The following PLCXD3 variants were observed in gnomAD, a reference collection of about 807,000 sequenced individuals.
The protein encoded by PLCXD3 is phosphatidylinositol specific phospholipase C X domain containing 3.
A neutral mutation model predicts 25.5 loss-of-function variants in PLCXD3; 19 were observed. The observed-to-expected ratio is 0.75, with a 90% CI of 0.52 to 1.09. PLCXD3 has a LOEUF of 1.09. Ranked by LOEUF, PLCXD3 falls within the 50% of genes least tolerant of loss-of-function variation. PLCXD3 has a pLI of 0.00. For synonymous variants in PLCXD3, 174 were observed against 137.6 expected, an observed-to-expected ratio of 1.26 and a Z score of -1.85; for missense variants, 411 against 388.1, an observed-to-expected ratio of 1.06 and a Z score of -0.50.
chr5:41,492,567 T>C (rs578209630), intron 1 of PLCXD3, among the ~76,000 whole-genome samples: 1 of 152,386 alleles, frequency 6.6e-6, no homozygotes, highest in Admixed American at 6.5e-5. Context: ...CACTTTCAGG[T>C]ACACCAATCA....
At chr5:41,393,765 A>G (rs1745909511) in intron 1 of PLCXD3, among the ~76,000 whole-genome samples, 1 of 151,896 alleles carries the variant, frequency 6.6e-6, no homozygotes, top group Non-Finnish European at 1.5e-5. Context: ...TAAAAATACA[A>G]AAAAAGAAAA....
intron 1 of PLCXD3, chr5:41,456,425 C>CTAACTTTT: frequency 2.6e-6 from 1 of 390,194 alleles, no homozygotes. Context: ...TGTACAATGG[C>CTAACTTTT]TAACTTTTTT....
At chr5:41,339,576 CAGT>C (rs1744080816) in intron 2 of PLCXD3, among the ~76,000 whole-genome samples, 1 of 151,974 alleles carries the variant, frequency 6.6e-6, no homozygotes. Flanking sequence ...GACAAAATGA[CAGT>C]AGTGTTGCCC....
intron 2 of PLCXD3, among the ~76,000 whole-genome samples, chr5:41,358,750 T>G (rs1329023134): frequency 6.6e-6 from 1 of 152,196 alleles, no homozygotes; most frequent in Non-Finnish European, 1.5e-5. Flanking sequence ...CTTTCAGTAC[T>G]ACGCTGAATG....
intron 2 of PLCXD3, 115 bp from the exon 3 acceptor site, chr5:41,313,885 A>C: frequency 1.6e-6 from 2 of 1,250,012 alleles, no homozygotes; most frequent in East Asian, 2.6e-5. Context: ...TTTCACGTAT[A>C]GGTACAGGAA....
chr5:41,393,491 A>G (rs565289970), intron 1 of PLCXD3, among the ~76,000 whole-genome samples: 1 of 152,328 alleles, frequency 6.6e-6, no homozygotes, highest in Admixed American at 6.5e-5. Flanking sequence ...CATGAAGCAG[A>G]AATGGAGACT....
intron 1 of PLCXD3, among the ~76,000 whole-genome samples, chr5:41,471,764 A>G (rs965408745): frequency 2.0e-5 from 3 of 146,818 alleles, no homozygotes; most frequent in African/African-American, 7.5e-5. Flanking sequence ...AATAATAACT[A>G]CAACATCTTT....
At chr5:41,501,083 G>A (rs747485423) in intron 1 of PLCXD3, among the ~76,000 whole-genome samples, 3 of 151,944 alleles carry the variant, frequency 2.0e-5, no homozygotes, top group Non-Finnish European at 4.4e-5. Context: ...TATAGAAATT[G>A]CAATTCTTGT....
At chr5:41,510,286 C>T in intron 1 of PLCXD3, 138 bp downstream of exon 1, 1 of 754,614 alleles carries the variant, frequency 1.3e-6, no homozygotes, top group Non-Finnish European at 2.1e-6. Context: ...ACGCGCTCGC[C>T]TGGCCTGAGA....
intron 2 of PLCXD3, among the ~76,000 whole-genome samples, chr5:41,361,619 A>G (rs1423311109): frequency 6.6e-6 from 1 of 152,244 alleles, no homozygotes; most frequent in African/African-American, 2.4e-5. Flanking sequence ...GCCAAATGGA[A>G]TGAACAATAG....
At chr5:41,374,183 G>A (rs1745210165) in intron 2 of PLCXD3, among the ~76,000 whole-genome samples, 1 of 152,116 alleles carries the variant, frequency 6.6e-6, no homozygotes, top group Admixed American at 6.6e-5. Flanking sequence ...TTGTGAGTAT[G>A]AGCAGTGCTA....
At chr5:41,381,199 T>C (rs1745449755) in intron 2 of PLCXD3, among the ~76,000 whole-genome samples, 1 of 152,068 alleles carries the variant, frequency 6.6e-6, no homozygotes, top group South Asian at 2.1e-4. Context: ...CTGCAAATGG[T>C]AGAGAAAGGA....
intron 2 of PLCXD3, among the ~76,000 whole-genome samples, chr5:41,319,084 G>GC (rs1224062244): frequency 6.6e-6 from 1 of 152,164 alleles, no homozygotes; most frequent in African/African-American, 2.4e-5. Context: ...AAATATATAT[G>GC]CAGTCAACAC....
chr5:41,506,548 C>T (rs1012675078), intron 1 of PLCXD3, among the ~76,000 whole-genome samples: 6 of 152,234 alleles, frequency 3.9e-5, no homozygotes, highest in Admixed American at 2.6e-4. Context: ...GACCCAGTCC[C>T]AGATACATCC....
At chr5:41,477,658 C>T (rs1158911462) in intron 1 of PLCXD3, among the ~76,000 whole-genome samples, 1 of 151,770 alleles carries the variant, frequency 6.6e-6, no homozygotes, top group Non-Finnish European at 1.5e-5. Flanking sequence ...CTTAACATTG[C>T]AGTTTGCTTC....
intron 1 of PLCXD3, among the ~76,000 whole-genome samples, chr5:41,490,493 T>G (rs540782900): frequency 1.3e-5 from 2 of 152,188 alleles, no homozygotes; most frequent in East Asian, 1.9e-4. Flanking sequence ...TTGTTTGGAA[T>G]AGTTTCAGAA....
intron 1 of PLCXD3, among the ~76,000 whole-genome samples, chr5:41,388,143 C>A (rs559182828): frequency 6.6e-6 from 1 of 151,902 alleles, no homozygotes; most frequent in Admixed American, 6.6e-5. Flanking sequence ...AAAATACATA[C>A]AATCCTTGCC....
intron 2 of PLCXD3, among the ~76,000 whole-genome samples, chr5:41,327,668 C>T (rs1221319067): frequency 6.6e-6 from 1 of 152,026 alleles, no homozygotes; most frequent in Admixed American, 6.6e-5. Flanking sequence ...TAATTAAATT[C>T]CCTTTGAATT....
rs78290598 is a variant in PLCXD3, at chr5:41,506,581, A to C, written c.103+3843T>G. ...TCCTAGACATTGACTCCTTCCAAGT[A>C]AAATAGAAATAGGAAATTACAAAGA... On this transcript the variant is annotated intron_variant, in intron 1 of 2. Coordinates refer to ENST00000377801, the MANE Select transcript of PLCXD3 (RefSeq NM_001005473.3). Among the ~76,000 whole-genome samples, 522 of 152,322 alleles carry C rather than the reference A, an allele frequency of 3.4e-3. 4 individuals carry two copies. Among genetic ancestry groups the C allele is most frequent in the African/African-American group, 0.01 (431 of 41,574 alleles).
Sources: gnomAD v4.1 joint callset for allele counts (sites outside exome capture counted in the v4.1 genomes callset) on GRCh38, gnomAD v4.1.1 for gene constraint, MANE v1.5 for transcripts, NCBI Gene and HGNC (gene_info 2026-07-23, HGNC 2026-07-21) for gene names.